The following RELN variants were observed in gnomAD, a reference collection of about 807,000 sequenced individuals.
The protein encoded by RELN is reelin.
Under a neutral mutation model 427.6 loss-of-function variants are expected in RELN, and 108 were observed. The ratio of observed to expected loss-of-function variants is 0.25; its 90% confidence interval spans 0.22 to 0.30. The LOEUF is 0.30. RELN is among the 10% of genes least tolerant of loss of function. The pLI is 1.00. For missense variants in RELN, 3,715 were observed against 4,302.8 expected (o/e 0.86, Z 3.82); for synonymous variants, 1,524 against 1,513.4 (o/e 1.01, Z -0.16).
At chr7:103,488,869 G>A (rs746559918) in intron 60 of RELN, among the ~76,000 whole-genome samples, 5 of 152,164 alleles carry the variant, frequency 3.3e-5, no homozygotes, top group African/African-American at 4.8e-5. Context: ...GATAATAAGC[G>A]ACTGAAGAAT....
chr7:103,872,088 G>A, intron 2 of RELN, among the ~76,000 whole-genome samples: 1 of 122,658 alleles, frequency 8.2e-6, no homozygotes, highest in Non-Finnish European at 1.7e-5. Flanking sequence ...TATACTTTAA[G>A]TTTTAGGGTA....
At chr7:103,562,803 C>A (rs1050783096) in intron 34 of RELN, among the ~76,000 whole-genome samples, 2 of 152,172 alleles carry the variant, frequency 1.3e-5, no homozygotes, top group African/African-American at 4.8e-5. Flanking sequence ...TGTTTACCAC[C>A]CTTCAGTGGT....
intron 1 of RELN, among the ~76,000 whole-genome samples, chr7:103,983,198 C>T (rs574213727): frequency 6.6e-6 from 1 of 152,244 alleles, no homozygotes; most frequent in East Asian, 1.9e-4. Flanking sequence ...GATCCCCCTG[C>T]CACACACACA....
Position 103,989,466 on chromosome 7 carries a change from A to ACGGGAGCGGAACGGGCT in RELN, c.-127_-111dup, listed in dbSNP as rs1181468865. The ACGGGAGCGGAACGGGCT allele has an allele frequency of 4.1e-6, 4 of 976,540 alleles. No individual in the cohort carries two copies. Among genetic ancestry groups the ACGGGAGCGGAACGGGCT allele is most frequent in the African/African-American group, 1.8e-5 (1 of 56,522 alleles). 60.5% of individuals were successfully genotyped at this position (976,540 alleles called of 1,614,324 possible). A position where few individuals can be genotyped will look rare whatever the true frequency, so the allele number is the denominator to read the frequency against. ...CGGAGAGAAGGCGAGAAGAAGGCGG[A>ACGGGAGCGGAACGGGCT]CGGGAGCGGAACGGGCTCGGGAGCG... On this transcript the variant is annotated 5_prime_UTR_variant, in exon 1 of 65. Coordinates refer to ENST00000428762, the MANE Select transcript of RELN (RefSeq NM_005045.4). This position sits in a 1 kb window ranked among gnomAD's most constrained non-coding sequence, Gnocchi z 4.9.
At chr7:103,801,220 C>T (rs1422689065) in intron 3 of RELN, among the ~76,000 whole-genome samples, 2 of 152,174 alleles carry the variant, frequency 1.3e-5, no homozygotes, top group Non-Finnish European at 2.9e-5. Flanking sequence ...ACCCAGCCAT[C>T]CCATTACTGG....
intron 2 of RELN, among the ~76,000 whole-genome samples, chr7:103,904,662 T>G (rs1256889645): frequency 6.6e-6 from 1 of 152,176 alleles, no homozygotes; most frequent in Non-Finnish European, 1.5e-5. Flanking sequence ...TTTGTTTGCC[T>G]AAAGGAAAGA....
rs369631430 is a variant in RELN at position 103,541,180 on chromosome 7, C to T, written c.6672-725G>A. 5.9e-5 allele frequency among the ~76,000 whole-genome samples: 9 copies of T among 152,186 alleles called. No individual in the cohort carries two copies. The East Asian group carries it at 1.2e-3, about 20-fold the overall frequency. On this transcript the variant is annotated intron_variant, in intron 43 of 64. Coordinates refer to ENST00000428762, the MANE Select transcript of RELN (RefSeq NM_005045.4). The stretch of plus-strand genomic sequence containing the variant: ...AATGGTGGCAGCCGGCCAGTGGCAG[C>T]GTTCCCAGCTGGCAGGGAGGTGGAC...
At position 103,561,432 on chromosome 7, in the gene RELN, GTCATTTGAAGAGAT is replaced by G; in HGVS notation, c.5529+86_5529+99del. Reference sequence around the variant, plus strand: ...TCAATAACTATGTATTAAATATTATGTCATTTGAAGAGATTCAGAAATCCATTTGTGTTGAGCAG... The same window carrying G: ...TCAATAACTATGTATTAAATATTATGTCAGAAATCCATTTGTGTTGAGCAG... On this transcript the variant is annotated intron_variant, in intron 36 of 64. Coordinates refer to ENST00000428762, the MANE Select transcript of RELN (RefSeq NM_005045.4). 6.2e-6 allele frequency: 6 copies of G among 967,448 alleles called. No individual in the cohort carries two copies. The East Asian group carries it at 1.4e-4, about 23-fold the overall frequency. The allele number at this position is 967,448 out of a possible 1,614,324, so 59.9% of individuals were successfully genotyped here. A position where few individuals can be genotyped will look rare whatever the true frequency, so the allele number is the denominator to read the frequency against.
At chr7:103,875,448 T>C (rs1794456511) in intron 2 of RELN, among the ~76,000 whole-genome samples, 7 of 152,142 alleles carry the variant, frequency 4.6e-5, no homozygotes, top group Admixed American at 4.6e-4. Context: ...TATATGAATA[T>C]ATTTTTGACT....
At chr7:103,675,307 A>T (rs899567287) in intron 11 of RELN, among the ~76,000 whole-genome samples, 3 of 152,222 alleles carry the variant, frequency 2.0e-5, no homozygotes, top group African/African-American at 4.8e-5. Context: ...AGAGAATAAA[A>T]TACCTAGGAA....
chr7:103,755,274 C>T (rs773485729), intron 4 of RELN, among the ~76,000 whole-genome samples: 2 of 151,836 alleles, frequency 1.3e-5, no homozygotes, highest in Non-Finnish European at 2.9e-5. Flanking sequence ...CGAGACCATC[C>T]TGGCTAACAC....
At chr7:103,670,736 T>C (rs1833373198) in intron 11 of RELN, among the ~76,000 whole-genome samples, 1 of 152,056 alleles carries the variant, frequency 6.6e-6, no homozygotes, top group South Asian at 2.1e-4. Flanking sequence ...AAAATTTAAA[T>C]TATCTCATTA....
intron 8 of RELN, among the ~76,000 whole-genome samples, chr7:103,717,537 A>T (rs539124414): frequency 6.6e-6 from 1 of 151,850 alleles, no homozygotes; most frequent in African/African-American, 2.4e-5. Flanking sequence ...TAAGTCTTAA[A>T]TCTTAGTTGA....
chr7:103,901,370 T>C (rs1795081742), intron 2 of RELN, among the ~76,000 whole-genome samples: 1 of 151,966 alleles, frequency 6.6e-6, no homozygotes, highest in Non-Finnish European at 1.5e-5. Context: ...ATTAAAAGAA[T>C]TACCACAAGA....
chr7:103,790,000 A>G (rs1792119260), intron 3 of RELN, among the ~76,000 whole-genome samples: 1 of 152,244 alleles, frequency 6.6e-6, no homozygotes. Flanking sequence ...AATGCTATGT[A>G]GCCATAAAAA....
chr7:103,632,876 A>G (rs1330124390), intron 19 of RELN, among the ~76,000 whole-genome samples: 1 of 152,196 alleles, frequency 6.6e-6, no homozygotes, highest in African/African-American at 2.4e-5. Context: ...GAGATTAAAT[A>G]TAATAATCAA....
intron 16 of RELN, among the ~76,000 whole-genome samples, chr7:103,644,001 G>C (rs868094397): frequency 2.6e-5 from 4 of 151,786 alleles, no homozygotes; most frequent in African/African-American, 9.7e-5. Flanking sequence ...ACTACACTAA[G>C]GATATCTATA....
At chr7:103,981,259 A>G (rs1467242377) in intron 1 of RELN, among the ~76,000 whole-genome samples, 1 of 152,200 alleles carries the variant, frequency 6.6e-6, no homozygotes, top group Non-Finnish European at 1.5e-5. Flanking sequence ...TTAGAGAGAT[A>G]GTGTCAGGAA....
At chr7:103,837,490 T>G (rs942940302) in intron 2 of RELN, among the ~76,000 whole-genome samples, 3 of 152,150 alleles carry the variant, frequency 2.0e-5, no homozygotes, top group Non-Finnish European at 2.9e-5. Flanking sequence ...GCCCCAGACT[T>G]TTGCTCTCCT....
Sources: gnomAD v4.1 joint callset for allele counts (sites outside exome capture counted in the v4.1 genomes callset) on GRCh38, gnomAD v4.1.1 for gene constraint, Gnocchi (gnomAD v3.1) non-coding constraint, MANE v1.5 for transcripts, NCBI Gene and HGNC (gene_info 2026-07-23, HGNC 2026-07-21) for gene names.